Variants in TRIOBP observed in about 807,000 individuals in gnomAD.
TRIOBP encodes the protein TRIO and F-actin-binding protein.
Under a neutral mutation model 238.8 loss-of-function variants are expected in TRIOBP, and 169 were observed. That is an observed-to-expected ratio of 0.71 (90% confidence interval 0.62 to 0.80). TRIOBP has a LOEUF of 0.80. TRIOBP is among the 30% of genes least tolerant of loss of function. TRIOBP has a pLI of 0.00. For missense variants in TRIOBP, 2,838 were observed against 3,122.6 expected (o/e 0.91, Z 2.17); for synonymous variants, 1,150 against 1,274.4 (o/e 0.90, Z 2.08).
intron 12 of TRIOBP, among the ~76,000 whole-genome samples, chr22:37,752,645 G>A (rs1925681122): frequency 6.6e-6 from 1 of 152,176 alleles, no homozygotes; most frequent in African/African-American, 2.4e-5. Context: ...CCAGCCCACA[G>A]CCTTCCCTAC....
intron 7 of TRIOBP, among the ~76,000 whole-genome samples, chr22:37,731,220 C>G (rs6000872): frequency 6.6e-6 from 1 of 152,036 alleles, no homozygotes; most frequent in Non-Finnish European, 1.5e-5. Context: ...TCACTGCAGC[C>G]TCAACCTCCC....
At chr22:37,721,662 G>C (rs982739617) in intron 6 of TRIOBP, among the ~76,000 whole-genome samples, 4 of 152,022 alleles carry the variant, frequency 2.6e-5, no homozygotes, top group Non-Finnish European at 5.9e-5. Context: ...AAAACTTGTA[G>C]TAGAGACAGG....
intron 10 of TRIOBP, among the ~76,000 whole-genome samples, chr22:37,739,857 G>C (rs989497891): frequency 6.6e-6 from 1 of 152,166 alleles, no homozygotes; most frequent in Non-Finnish European, 1.5e-5. Context: ...CAATGCCGGG[G>C]TGCCCCTCTA....
intron 3 of TRIOBP, among the ~76,000 whole-genome samples, chr22:37,705,331 C>T (rs941994801): frequency 4.1e-5 from 6 of 147,768 alleles, no homozygotes; most frequent in Non-Finnish European, 1.5e-5. Context: ...GCCAAGATTG[C>T]ACCACTGTAC....
intron 11 of TRIOBP, among the ~76,000 whole-genome samples, chr22:37,743,942 CAG>C (rs1925089010): frequency 6.7e-6 from 1 of 148,688 alleles, no homozygotes; most frequent in Admixed American, 6.8e-5. Context: ...AGAGAACCAT[CAG>C]GGGGTAGAAG....
At chr22:37,711,578 C>CAAAAA (rs1185976077) in intron 4 of TRIOBP, among the ~76,000 whole-genome samples, 2 of 18,030 alleles carry the variant, frequency 1.1e-4, no homozygotes, top group Non-Finnish European at 1.2e-4. Flanking sequence ...GGCTCCGTCT[C>CAAAAA]AAAAAAAAAA....
rs200528850 is a variant in TRIOBP, at chr22:37,768,116, G to A, written c.6515G>A (p.Arg2172Gln). The A allele has an allele frequency of 2.9e-4, 460 of 1,613,438 alleles. 1 individual carries two copies. The Middle Eastern group carries it at 7.7e-3, about 27-fold the overall frequency. Residue 2172 changes from arginine (R) to glutamine (Q), a missense_variant, in exon 19 of 24, where the codon CGA becomes CAA. Physicochemically the swap from Arg to Gln is conservative, Grantham distance 43 (BLOSUM62 1). This residue lies in a region of TRIOBP where 2,096 missense variants were observed against 2,137.4 expected (regional missense o/e 0.98). Coordinates refer to ENST00000644935, the MANE Select transcript of TRIOBP (RefSeq NM_001039141.3). ...AAGGCCTACCAGGAAGAGCTGAGCC[G>A]AGAGCTGAGCAAAACACGGAGTCTC... ...MKKAYQEELS[R>Q]ELSKTRSLQQ...
chr22:37,731,184 C>CTGA (rs1334461740), intron 7 of TRIOBP, among the ~76,000 whole-genome samples: 1 of 152,024 alleles, frequency 6.6e-6, no homozygotes, highest in African/African-American at 2.4e-5. Context: ...TTCACCCAGG[C>CTGA]TGGAATGCAG....
At chr22:37,755,443 C>T (rs946591873) in intron 14 of TRIOBP, 107 bp from the exon 15 acceptor site, 8 of 1,078,862 alleles carry the variant, frequency 7.4e-6, no homozygotes, top group Non-Finnish European at 1.1e-5. Context: ...AGACTCAAGA[C>T]CTTAGATGCA....
intron 17 of TRIOBP, chr22:37,759,885 A>G: frequency 2.6e-5 from 14 of 533,430 alleles, no homozygotes; most frequent in Non-Finnish European, 3.6e-5. Flanking sequence ...TAAGTTTATT[A>G]TAAATTTTAC....
intron 21 of TRIOBP, among the ~76,000 whole-genome samples, chr22:37,770,114 G>A (rs1279560711): frequency 8.9e-5 from 13 of 146,474 alleles, no homozygotes; most frequent in African/African-American, 2.0e-4. Flanking sequence ...GCGCGATCTC[G>A]GCTCACCACA....
intron 11 of TRIOBP, among the ~76,000 whole-genome samples, chr22:37,750,282 T>C (rs1202398775): frequency 6.6e-6 from 1 of 152,248 alleles, no homozygotes; most frequent in Non-Finnish European, 1.5e-5. Flanking sequence ...CGCCTGGGAC[T>C]GCCCAGTGGT....
chr22:37,723,647 C>T lies in TRIOBP; in HGVS notation c.1091C>T (p.Pro364Leu). 2 of 1,614,116 alleles carry T rather than the reference C, an allele frequency of 1.2e-6. No homozygotes were observed. The highest frequency in any genetic ancestry group is 1.7e-6 in the Non-Finnish European group (2 of 1,180,020). Residue 364 changes from proline (P) to leucine (L), a missense_variant, in exon 7 of 24, where the codon CCC (proline) becomes CTC (leucine). Around this residue, in one of 5 missense-constraint regions of TRIOBP, gnomAD observed 535 missense variants for 537.3 expected, o/e 1.00. Coordinates refer to ENST00000644935, the MANE Select transcript of TRIOBP (RefSeq NM_001039141.3). ...PRTSSTQQDNPQTSFPTCTPQ... is the reference protein window; with the variant it reads ...PRTSSTQQDNLQTSFPTCTPQ... ...ACCTCTTCTACCCAGCAGGACAACC[C>T]CCAAACTTCTTTTCCTACTTGTACT...
chr22:37,717,719 T>G (rs892014542), intron 6 of TRIOBP, among the ~76,000 whole-genome samples: 40 of 152,236 alleles, frequency 2.6e-4, no homozygotes, highest in Non-Finnish European at 1.0e-4. Flanking sequence ...TTACAATCCC[T>G]TAGCTAGACA....
intron 6 of TRIOBP, among the ~76,000 whole-genome samples, chr22:37,719,489 T>A (rs543524442): frequency 6.6e-6 from 1 of 152,150 alleles, no homozygotes; most frequent in East Asian, 1.9e-4. Flanking sequence ...GGGATGGAGA[T>A]GTGGCATCTT....
chr22:37,741,096 A>G (rs1601643880), intron 11 of TRIOBP, 64 bp downstream of exon 11: 1 of 1,530,518 alleles, frequency 6.5e-7, no homozygotes, highest in Non-Finnish European at 8.8e-7. Context: ...GGGAGGGAGG[A>G]GGGGGCTGTT....
intron 19 of TRIOBP, 66 bp downstream of exon 19, chr22:37,768,242 C>T (rs1421179901): frequency 3.6e-5 from 48 of 1,340,414 alleles, no homozygotes; most frequent in Non-Finnish European, 3.5e-5. Context: ...TTGCTGAGGC[C>T]CCTTGGCAGC....
At position 37,715,894 on chromosome 22, in the gene TRIOBP, G is replaced by C. The variant is rs1478916514; in HGVS notation, c.588G>C (p.Arg196Ser). 1.2e-6 allele frequency: 2 copies of C among 1,613,410 alleles called. No individual in the cohort carries two copies. The highest frequency in any genetic ancestry group is 2.7e-5 in the African/African-American group (2 of 74,896). Residue 196 changes from arginine (R) to serine (S), a missense_variant, in exon 6 of 24, where the codon AGG (arginine) becomes AGC (serine). Coordinates refer to ENST00000644935, the MANE Select transcript of TRIOBP (RefSeq NM_001039141.3). ...SSQRAPSLLT[R>S]SPVGGDAAGQ... The stretch of plus-strand genomic sequence containing the variant: ...AAAGGGCTCCGTCTCTCCTCACCAG[G>C]TCCCCTGTGGGAGGAGATGCTGCAG...
rs752668338 is a variant in TRIOBP, at chr22:37,769,306, C to T, written c.6780C>T (p.Gly2260=). Residue 2260 remains glycine, a synonymous_variant, in exon 21 of 24, where the codon GGC becomes GGT. Coordinates refer to ENST00000644935, the MANE Select transcript of TRIOBP (RefSeq NM_001039141.3). ...RLSEEIDQLR[G]FIASQGMGNG... ...CAGAGGAGATAGACCAGCTGCGCGGCTTCATTGCCTCGCAGGGCATGGGCA... is the reference window on the plus strand; with the variant it reads ...CAGAGGAGATAGACCAGCTGCGCGGTTTCATTGCCTCGCAGGGCATGGGCA... The T allele has an allele frequency of 4.3e-6, 7 of 1,612,052 alleles. No individual in the cohort carries two copies. Among genetic ancestry groups the T allele is most frequent in the Non-Finnish European group, 8.5e-7 (1 of 1,179,532 alleles).
Sources: gnomAD v4.1 joint callset for allele counts (sites outside exome capture counted in the v4.1 genomes callset) on GRCh38, gnomAD v4.1.1 for gene constraint, gnomAD v4.1.1 regional missense constraint, MANE v1.5 for transcripts, NCBI Gene and HGNC (gene_info 2026-07-23, HGNC 2026-07-21) for gene names.